Variants in COG1 observed in about 807,000 individuals in gnomAD.
COG1 encodes conserved oligomeric Golgi complex subunit 1.
Under a neutral mutation model 102.2 loss-of-function variants are expected in COG1, and 61 were observed. That is an observed-to-expected ratio of 0.60 (90% CI 0.49 to 0.74). The LOEUF is 0.74. Among genes scored for constraint, COG1 ranks in the 30% least tolerant of loss-of-function variants. The probability of loss-of-function intolerance (pLI) is 0.00; values close to 1 mark genes in which losing one functional copy is unlikely to be tolerated. For synonymous variants in COG1, 454 were observed against 493.6 expected, an observed-to-expected ratio of 0.92 and a Z score of 1.06; for missense variants, 1,164 against 1,232.1, an observed-to-expected ratio of 0.94 and a Z score of 0.83.
At chr17:73,206,028 A>G in intron 10 of COG1, 126 bp from the exon 11 acceptor site, 1 of 816,484 alleles carries the variant, frequency 1.2e-6, no homozygotes, top group Non-Finnish European at 2.1e-6. Context: ...ATCAGTGACA[A>G]ACGTACTAAG....
rs993909171 is a variant in COG1 at position 73,197,151 on chromosome 17, G to C, written c.742+70G>C. 9.9e-5 allele frequency: 160 copies of C among 1,611,326 alleles called. 1 individual carries two copies. The highest frequency in any genetic ancestry group is 1.6e-4 in the Middle Eastern group (1 of 6,082). ...GGAGAAGGGTGAGCTGCGGGAGACT[G>C]AAGCCTCCAGAGCGTCCTCTGTCTT... On this transcript the variant is annotated intron_variant, in intron 3 of 13. Transcript: ENST00000299886.
At chr17:73,198,973 C>T (rs1055020364) in intron 4 of COG1, among the ~76,000 whole-genome samples, 5 of 152,230 alleles carry the variant, frequency 3.3e-5, no homozygotes, top group African/African-American at 1.2e-4. Context: ...CCTCCTTATG[C>T]TTCGCTTTCC....
intron 8 of COG1, 98 bp downstream of exon 8, chr17:73,203,244 G>C (rs1170551381): frequency 6.9e-6 from 10 of 1,453,530 alleles, no homozygotes; most frequent in Middle Eastern, 1.7e-4. Flanking sequence ...CTGAGGAATA[G>C]CTGAAAGTAA....
Position 73,196,730 on chromosome 17 carries a change from T to A in COG1, c.539T>A (p.Val180Glu), listed in dbSNP as rs749267657. 8 of 1,613,788 alleles carry A rather than the reference T, an allele frequency of 5.0e-6. No individual in the cohort carries two copies. The South Asian group carries it at 7.7e-5, about 16-fold the overall frequency. The change falls in exon 2 of 14, where the codon GTG becomes GAG. Residue 180 changes from valine (V) to glutamate (E), a missense_variant. Physicochemically the swap from Val to Glu is moderately radical, Grantham distance 121. Coordinates refer to ENST00000299886, the MANE Select transcript of COG1 (RefSeq NM_018714.3). ...LSRFPILIRQ[V>E]AAASHFRSTI... The stretch of plus-strand genomic sequence containing the variant: ...CGGTTTCCTATACTCATCCGGCAGG[T>A]GGCAGCCGCCAGCCACTTCCGGTAA...
In COG1 at chr17:73,201,420, C is replaced by T. The variant is rs987910803; in HGVS notation, c.1593C>T (p.Asp531=). The change falls in exon 7 of 14, where the codon GAC becomes GAT. Residue 531 remains aspartate, a synonymous_variant. Coordinates refer to ENST00000299886, the MANE Select transcript of COG1 (RefSeq NM_018714.3). ...LDSKLKVKLD[D]LLAYLPSDDS... ...CTAAGCTGAAGGTTAAACTAGATGACCTCCTGGCTTACCTCCCCTCTGATG... is the reference window on the plus strand; with the variant it reads ...CTAAGCTGAAGGTTAAACTAGATGATCTCCTGGCTTACCTCCCCTCTGATG... 6.2e-7 allele frequency: 1 copy of T among 1,614,212 alleles called. No homozygotes were observed. Among genetic ancestry groups the T allele is most frequent in the Non-Finnish European group, 8.5e-7 (1 of 1,180,036 alleles).
rs781005411 is a variant in COG1 at position 73,200,030 on chromosome 17, C to T, written c.1070+9C>T. On this transcript the variant is annotated intron_variant, in intron 5 of 13. Transcript: ENST00000299886. ...CAGAAATGGATCCACATGTAAGTAA[C>T]CAGAAAGAGCTTCCCTGCAGCTGGC... The T allele has an allele frequency of 6.2e-7, 1 of 1,608,368 alleles. No homozygotes were observed. Among genetic ancestry groups the T allele is most frequent in the Admixed American group, 1.7e-5 (1 of 59,164 alleles).
rs2061356600 is a variant in COG1 at position 73,203,737 on chromosome 17, T to G, written c.2326T>G (p.Cys776Gly). The change falls in exon 9 of 14, where the codon TGT (cysteine) becomes GGT (glycine). Residue 776 changes from cysteine to glycine, a missense_variant. Cys to Gly is a radical substitution (Grantham distance 159). Transcript: ENST00000299886. ...KVTLQEMLKS[C>G]MVQVVAAYEK... ...GACATTACAGGAGATGCTGAAAAGC[T>G]GTATGGTTCAAGTAGTAGCTGCCTA... 6.2e-7 allele frequency: 1 copy of G among 1,614,106 alleles called. No homozygotes were observed. The highest frequency in any genetic ancestry group is 1.1e-5 in the South Asian group (1 of 91,088).
chr17:73,206,175 C>T lies in COG1; in HGVS notation c.2532C>T (p.His844=), dbSNP rs1256858559. 2 of 1,613,944 alleles carry T rather than the reference C, an allele frequency of 1.2e-6. No homozygotes were observed. The highest frequency in any genetic ancestry group is 1.3e-5 in the African/African-American group (1 of 74,914). ...TCAGAATTGAGAAAGTGACTGACCA[C>T]CTGGAAGCCCTCATTGATCCATTTG... ...PDSRIEKVTD[H]LEALIDPFDL... is the part of the protein sequence containing the mutation. The change falls in exon 11 of 14, where the codon CAC becomes CAT. Residue 844 remains histidine (H), a synonymous_variant. Transcript: ENST00000299886.
chr17:73,201,142 A>G lies in COG1; in HGVS notation c.1315A>G (p.Ser439Gly), dbSNP rs140102593. 2.5e-6 allele frequency: 4 copies of G among 1,614,096 alleles called. No homozygotes were observed. Among genetic ancestry groups the G allele is most frequent in the Non-Finnish European group, 3.4e-6 (4 of 1,180,040 alleles). The change falls in exon 7 of 14, where the codon AGT (serine) becomes GGT (glycine). Residue 439 changes from serine to glycine, a missense_variant. By Grantham distance (56) the Ser-to-Gly change is moderately conservative (BLOSUM62 0). Coordinates refer to ENST00000299886, the MANE Select transcript of COG1 (RefSeq NM_018714.3). ...LTKEGFDSISSSSKELLVSAL... is the reference protein window; with the variant it reads ...LTKEGFDSISGSSKELLVSAL... ...AAAAGAAGGCTTTGACTCCATCTCC[A>G]GTAGCTCCAAGGAGCTCTTGGTTTC...
intron 7 of COG1, 39 bp downstream of exon 7, chr17:73,201,939 T>A: frequency 6.3e-7 from 1 of 1,584,716 alleles, no homozygotes. Context: ...TTGTCTCACT[T>A]CTGTCATATT....
At position 73,203,794 on chromosome 17, in the gene COG1, G is replaced by A. The variant is rs1200568337; in HGVS notation, c.2382+1G>A. On this transcript the variant is annotated splice_donor_variant, in intron 9 of 13. Coordinates refer to ENST00000299886, the MANE Select transcript of COG1 (RefSeq NM_018714.3). LOFTEE classifies it high-confidence loss of function. ...ACTCTCCGAAGAAAAACAGATTAAG[G>A]TAGGTGTCTGAATGTTTGCCCATTA... 3.7e-6 allele frequency: 6 copies of A among 1,614,190 alleles called. No homozygotes were observed. In the South Asian group the frequency reaches 6.6e-5, roughly 18 times the overall value.
intron 13 of COG1, chr17:73,207,791 GTCT>G: frequency 1.6e-6 from 2 of 1,287,590 alleles, no homozygotes; most frequent in South Asian, 2.5e-5. Context: ...CAAACAGCTT[GTCT>G]TCTTACAGCA....
chr17:73,205,432 C>G, intron 9 of COG1, 121 bp from the exon 10 acceptor site: 1 of 1,013,560 alleles, frequency 9.9e-7, no homozygotes, highest in Non-Finnish European at 1.6e-6. Context: ...GCCATATGAG[C>G]ATTAAAACCA....
rs1335618376 is a variant in COG1 at position 73,203,260 on chromosome 17, G to A, written c.2220+114G>A. On this transcript the variant is annotated intron_variant, in intron 8 of 13. Transcript: ENST00000299886. ...TGAGGAATAGCTGAAAGTAACATCT[G>A]TAATTTTCTACTGTGGGGGCATAGT... The A allele has an allele frequency of 1.0e-5, 14 of 1,371,918 alleles. 1 individual carries two copies. The Admixed American group carries it at 2.2e-4, about 21-fold the overall frequency. The allele number at this position is 1,371,918 out of a possible 1,614,324, so 85.0% of individuals were successfully genotyped here.
intron 4 of COG1, among the ~76,000 whole-genome samples, 181 bp from the exon 5 acceptor site, chr17:73,199,684 C>T (rs1357663774): frequency 1.3e-5 from 2 of 152,136 alleles, no homozygotes; most frequent in African/African-American, 4.8e-5. Flanking sequence ...AAATGATCCT[C>T]CTACCTCAGT....
intron 13 of COG1, 138 bp downstream of exon 13, chr17:73,207,394 A>G: frequency 1.2e-6 from 1 of 849,738 alleles, no homozygotes; most frequent in South Asian, 1.4e-5. Context: ...ATGGCGGCGC[A>G]ATAGAGAAGT....
intron 9 of COG1, 175 bp from the exon 10 acceptor site, chr17:73,205,378 C>G (rs1174470545): frequency 2.8e-6 from 2 of 705,258 alleles, no homozygotes; most frequent in Admixed American, 4.2e-5. Flanking sequence ...ATTTTAAGGT[C>G]AAGTTTCTAA....
intron 4 of COG1, among the ~76,000 whole-genome samples, chr17:73,199,569 A>C (rs1307708783): frequency 1.3e-5 from 2 of 151,996 alleles, no homozygotes; most frequent in Admixed American, 1.3e-4. Flanking sequence ...TTCTAAGTCC[A>C]TCTTTTATTT....
intron 5 of COG1, among the ~76,000 whole-genome samples, chr17:73,200,267 G>A (rs911328615): frequency 1.8e-4 from 27 of 152,200 alleles, no homozygotes; most frequent in African/African-American, 6.5e-4. Flanking sequence ...CTCTTTATGT[G>A]AGAGTTCTGC....
Sources: gnomAD v4.1 joint callset for allele counts (sites outside exome capture counted in the v4.1 genomes callset) on GRCh38, gnomAD v4.1.1 for gene constraint, MANE v1.5 for transcripts, NCBI Gene and HGNC (gene_info 2026-07-23, HGNC 2026-07-21) for gene names.